KSR2: variants seen among roughly 807,000 people sequenced by gnomAD.
KSR2 encodes the protein kinase suppressor of ras 2.
KSR2 carries 25 observed loss-of-function variants against 107.8 expected under a neutral mutation model. The ratio of observed to expected loss-of-function variants is 0.23; its 90% CI spans 0.17 to 0.32. The LOEUF (loss-of-function observed/expected upper bound fraction) is 0.32. Among genes scored for constraint, KSR2 ranks in the 10% least tolerant of loss-of-function variants. The pLI is 1.00. For missense variants in KSR2, 887 were observed against 1,268.9 expected (o/e 0.70, Z 4.57); for synonymous variants, 480 against 507.0 (o/e 0.95, Z 0.71).
intron 13 of KSR2, among the ~76,000 whole-genome samples, chr12:117,526,281 C>T (rs1276722197): frequency 6.6e-6 from 1 of 152,088 alleles, no homozygotes; most frequent in Admixed American, 6.5e-5. Flanking sequence ...AGCATGATAT[C>T]TAGGGGTGCT....
intron 3 of KSR2, among the ~76,000 whole-genome samples, chr12:117,848,761 A>ATGATGGTGCTAATGATGGTGGTGGGTGG (rs1566048094): frequency 4.2e-4 from 42 of 99,770 alleles, no homozygotes; most frequent in Admixed American, 4.0e-3. Flanking sequence ...GGTGATGGCG[A>ATGATGGTGCTAATGATGGTGGTGGGTGG]TGATGGTGGT....
At chr12:117,800,138 G>A (rs1890775665) in intron 3 of KSR2, among the ~76,000 whole-genome samples, 3 of 152,174 alleles carry the variant, frequency 2.0e-5, no homozygotes, top group African/African-American at 7.2e-5. Flanking sequence ...CCTGTGACTA[G>A]GCTGCTTTGG....
intron 4 of KSR2, among the ~76,000 whole-genome samples, chr12:117,679,148 T>C (rs1015092854): frequency 5.9e-5 from 9 of 152,192 alleles, no homozygotes; most frequent in African/African-American, 1.9e-4. Flanking sequence ...CTTCTCTCCA[T>C]GTATCCTTAA....
intron 4 of KSR2, among the ~76,000 whole-genome samples, chr12:117,733,178 G>C (rs868337114): frequency 6.6e-6 from 1 of 152,074 alleles, no homozygotes; most frequent in Non-Finnish European, 1.5e-5. Flanking sequence ...ATTCTAGGGG[G>C]CTTCCTACTG....
chr12:117,575,272 T>C (rs1036244961), intron 7 of KSR2, among the ~76,000 whole-genome samples: 3 of 152,222 alleles, frequency 2.0e-5, no homozygotes, highest in Non-Finnish European at 4.4e-5. Context: ...GCTCAATAAA[T>C]ATTAGTTGAA....
chr12:117,923,132 T>A (rs1308115615), intron 1 of KSR2, among the ~76,000 whole-genome samples: 1 of 152,104 alleles, frequency 6.6e-6, no homozygotes, highest in Non-Finnish European at 1.5e-5. Context: ...ACAGAGAAAA[T>A]GTGTGTGTTA....
At chr12:117,548,366 C>T (rs977193368) in intron 9 of KSR2, among the ~76,000 whole-genome samples, 4 of 152,134 alleles carry the variant, frequency 2.6e-5, no homozygotes, top group Non-Finnish European at 4.4e-5. Flanking sequence ...AACATGAAAA[C>T]GACAAGGATG....
chr12:117,854,967 C>T (rs979006853), intron 3 of KSR2, among the ~76,000 whole-genome samples: 12 of 151,828 alleles, frequency 7.9e-5, no homozygotes, highest in African/African-American at 2.9e-4. Flanking sequence ...ACCAAAATGA[C>T]AAGAGCAGTT....
intron 3 of KSR2, among the ~76,000 whole-genome samples, chr12:117,805,098 G>T (rs1890967517): frequency 6.6e-6 from 1 of 152,190 alleles, no homozygotes. Context: ...TGGGTAAACT[G>T]GGATGAGTTG....
intron 16 of KSR2, among the ~76,000 whole-genome samples, chr12:117,484,159 G>A (rs1694061814): frequency 6.6e-6 from 1 of 152,170 alleles, no homozygotes; most frequent in Non-Finnish European, 1.5e-5. Flanking sequence ...AAAGGGTAGG[G>A]GCTTTGAAAG....
chr12:117,479,772 G>A (rs2137130737), intron 16 of KSR2, among the ~76,000 whole-genome samples: 1 of 152,250 alleles, frequency 6.6e-6, no homozygotes, highest in African/African-American at 2.4e-5. Flanking sequence ...AAACTAACTA[G>A]CAAACACTTG....
intron 1 of KSR2, among the ~76,000 whole-genome samples, chr12:117,961,874 G>C (rs1326579982): frequency 1.3e-5 from 2 of 152,160 alleles, no homozygotes; most frequent in Admixed American, 6.5e-5. Context: ...GGCCAGGCGT[G>C]GTGATTACAC....
chr12:117,873,668 C>A (rs888590434), intron 1 of KSR2, among the ~76,000 whole-genome samples: 2 of 152,092 alleles, frequency 1.3e-5, no homozygotes, highest in African/African-American at 4.8e-5. Context: ...ACCATGTTGG[C>A]CAGACTGGTC....
chr12:117,804,408 T>A (rs902571754), intron 3 of KSR2, among the ~76,000 whole-genome samples: 1 of 152,212 alleles, frequency 6.6e-6, no homozygotes, highest in African/African-American at 2.4e-5. Context: ...AAAGACCATA[T>A]GGCCTTTGAA....
chr12:117,628,586 G>T (rs949436595), intron 5 of KSR2, among the ~76,000 whole-genome samples: 3 of 152,146 alleles, frequency 2.0e-5, no homozygotes, highest in African/African-American at 4.8e-5. Flanking sequence ...TCGTCCCAGA[G>T]GGGGAGCCAC....
chr12:117,820,221 A>G (rs1891517374), intron 3 of KSR2, among the ~76,000 whole-genome samples: 1 of 152,206 alleles, frequency 6.6e-6, no homozygotes, highest in African/African-American at 2.4e-5. Flanking sequence ...GTTAAAGTCT[A>G]GGTGACCTTG....
rs985275024 is a variant in KSR2 at position 117,761,314 on chromosome 12, G to A, written c.683C>T (p.Thr228Ile). Residue 228 changes from threonine (T) to isoleucine (I), a missense_variant, in exon 4 of 20, where the codon ACC becomes ATC. Thr to Ile is a moderately conservative substitution (Grantham distance 89). Around this residue, in one of 8 missense-constraint regions of KSR2, gnomAD observed 399 missense variants for 479.5 expected, o/e 0.83. Coordinates refer to ENST00000339824, the MANE Select transcript of KSR2 (RefSeq NM_173598.6). ...APVYTHVDRLTVDAYPGLCPP... is the reference protein window; with the variant it reads ...APVYTHVDRLIVDAYPGLCPP... ...GCACAAGCCCGGGTAGGCGTCCACG[G>A]TAAGCCTGTCCACGTGGGTGTACAC... The A allele has an allele frequency of 2.6e-6, 4 of 1,542,064 alleles. No individual in the cohort carries two copies. The highest frequency in any genetic ancestry group is 3.5e-6 in the Non-Finnish European group (4 of 1,149,658).
chr12:117,627,734 T>C (rs1013339907), intron 5 of KSR2, among the ~76,000 whole-genome samples: 1 of 152,234 alleles, frequency 6.6e-6, no homozygotes, highest in African/African-American at 2.4e-5. Flanking sequence ...TTTCCTGAAT[T>C]TGAATGTTGG....
intron 7 of KSR2, among the ~76,000 whole-genome samples, chr12:117,575,521 T>C (rs1879229063): frequency 6.6e-6 from 1 of 152,220 alleles, no homozygotes; most frequent in African/African-American, 2.4e-5. Flanking sequence ...ATTCTGCCAA[T>C]CTTTGAAAAC....
Sources: allele counts gnomAD v4.1 joint callset (sites outside exome capture counted in the v4.1 genomes callset), GRCh38; gene constraint gnomAD v4.1.1; regional missense constraint gnomAD v4.1.1; transcripts MANE v1.5; gene names NCBI Gene and HGNC (gene_info 2026-07-23, HGNC 2026-07-21).